The following CACNA2D3 variants were observed in gnomAD, a reference collection of about 807,000 sequenced individuals.
The protein encoded by CACNA2D3 is calcium voltage-gated channel auxiliary subunit alpha2delta 3.
CACNA2D3 carries 60 observed loss-of-function variants against 160.6 expected under a neutral mutation model. The observed-to-expected ratio is 0.37, with a 90% CI of 0.30 to 0.46. CACNA2D3 has a LOEUF of 0.46. Among genes scored for constraint, CACNA2D3 ranks in the 20% least tolerant of loss-of-function variants. The pLI is 1.00. For missense variants in CACNA2D3, 1,205 were observed against 1,365.0 expected, an observed-to-expected ratio of 0.88 and a Z score of 1.85; for synonymous variants, 558 against 492.9, an observed-to-expected ratio of 1.13 and a Z score of -1.75.
At chr3:54,173,500 C>T (rs1700612560) in intron 2 of CACNA2D3, among the ~76,000 whole-genome samples, 1 of 152,194 alleles carries the variant, frequency 6.6e-6, no homozygotes, top group African/African-American at 2.4e-5. Flanking sequence ...GGCCGACACA[C>T]ACAGAACCAG....
At chr3:54,773,862 C>G (rs528532935) in intron 13 of CACNA2D3, among the ~76,000 whole-genome samples, 1 of 152,070 alleles carries the variant, frequency 6.6e-6, no homozygotes, top group Non-Finnish European at 1.5e-5. Context: ...TCCTAAAACT[C>G]TATATGGGTG....
intron 4 of CACNA2D3, among the ~76,000 whole-genome samples, chr3:54,443,942 C>T (rs373841380): frequency 6.6e-6 from 1 of 152,102 alleles, no homozygotes; most frequent in East Asian, 1.9e-4. Context: ...TACTCTGATT[C>T]TCTTTGCTTC....
At chr3:54,790,720 C>A (rs966266687) in intron 13 of CACNA2D3, among the ~76,000 whole-genome samples, 10 of 152,236 alleles carry the variant, frequency 6.6e-5, no homozygotes, top group African/African-American at 1.9e-4. Flanking sequence ...CATTGTCACT[C>A]GCACCTCTGG....
At chr3:54,258,871 G>A (rs944566599) in intron 2 of CACNA2D3, among the ~76,000 whole-genome samples, 6 of 152,194 alleles carry the variant, frequency 3.9e-5, no homozygotes, top group African/African-American at 1.4e-4. Flanking sequence ...AGACAGTGCT[G>A]GCTAGGGAGG....
intron 35 of CACNA2D3, 31 bp downstream of exon 35, chr3:55,018,348 A>G: frequency 7.6e-7 from 1 of 1,324,228 alleles, no homozygotes; most frequent in Non-Finnish European, 1.1e-6. Context: ...CTAACCCCCT[A>G]CACCTTTCTG....
In CACNA2D3 at chr3:54,880,806, G is replaced by A. The variant is rs770910729; in HGVS notation, c.1855G>A (p.Ala619Thr). The change falls in exon 21 of 38, where the codon GCG (alanine) becomes ACG (threonine). Residue 619 changes from alanine (A) to threonine (T), a missense_variant. By Grantham distance (58) the Ala-to-Thr change is moderately conservative (BLOSUM62 0). Coordinates refer to ENST00000474759, the MANE Select transcript of CACNA2D3 (RefSeq NM_018398.3). ...IKGTPFSLGV[A>T]LSRGHGKYFF... The stretch of plus-strand genomic sequence containing the variant: ...TGTCTCTCTGCACAGTTTAGGTGTG[G>A]CGCTTTCCAGAGGTCATGGGAAATA... 4.2e-5 allele frequency: 67 copies of A among 1,613,682 alleles called. 1 individual carries two copies. In the South Asian group the frequency reaches 6.4e-4, roughly 15 times the overall value.
chr3:54,601,308 A>G (rs1703055781), intron 9 of CACNA2D3, among the ~76,000 whole-genome samples: 1 of 152,234 alleles, frequency 6.6e-6, no homozygotes, highest in South Asian at 2.1e-4. Context: ...GTCTCAAAGG[A>G]TCCTCCTACC....
intron 5 of CACNA2D3, among the ~76,000 whole-genome samples, chr3:54,504,013 T>C (rs1701331917): frequency 6.6e-6 from 1 of 152,214 alleles, no homozygotes; most frequent in Non-Finnish European, 1.5e-5. Flanking sequence ...CAAATGGCTG[T>C]GTTCCAGTGA....
At position 54,838,629 on chromosome 3, in the gene CACNA2D3, A is replaced by G; in HGVS notation, c.1532A>G (p.Lys511Arg). The G allele has an allele frequency of 6.2e-7, 1 of 1,612,454 alleles. No individual in the cohort carries two copies. ...GATGTCCCAGTGAAAGAACTTCTGA[A>G]GACCATCCCCAAATACAAGGTAATG... ...GTDVPVKELL[K>R]TIPKYKLGIH... The change falls in exon 16 of 38, where the codon AAG (lysine) becomes AGG (arginine). Residue 511 changes from lysine to arginine, a missense_variant. By Grantham distance (26) the Lys-to-Arg change is conservative. Around this residue, in one of 3 missense-constraint regions of CACNA2D3, gnomAD observed 911 missense variants for 1,002.2 expected, o/e 0.91. Transcript: ENST00000474759.
intron 2 of CACNA2D3, among the ~76,000 whole-genome samples, chr3:54,147,260 G>T (rs1051226548): frequency 6.6e-6 from 1 of 152,238 alleles, no homozygotes. Context: ...CATCTGAGTA[G>T]TGAGGCTGAC....
chr3:54,699,931 A>G (rs938000340), intron 11 of CACNA2D3, among the ~76,000 whole-genome samples: 12 of 152,176 alleles, frequency 7.9e-5, no homozygotes, highest in Non-Finnish European at 1.6e-4. Context: ...AACCCAAACA[A>G]CCATATTAAC....
chr3:54,745,381 A>G (rs1701736014), intron 11 of CACNA2D3, among the ~76,000 whole-genome samples: 1 of 151,954 alleles, frequency 6.6e-6, no homozygotes, highest in African/African-American at 2.4e-5. Context: ...GATTGGAGGC[A>G]TGGGCTGTGG....
At chr3:54,802,475 C>T (rs913389475) in intron 13 of CACNA2D3, among the ~76,000 whole-genome samples, 2 of 152,100 alleles carry the variant, frequency 1.3e-5, no homozygotes, top group East Asian at 1.9e-4. Flanking sequence ...GAAATTACTC[C>T]TGAGTATTTT....
chr3:54,709,567 A>T (rs1700918583), intron 11 of CACNA2D3, among the ~76,000 whole-genome samples: 1 of 151,606 alleles, frequency 6.6e-6, no homozygotes, highest in Non-Finnish European at 1.5e-5. Context: ...TCACTATGTT[A>T]CCTAGACTTG....
At chr3:54,170,189 C>CAAAAAA (rs1304301578) in intron 2 of CACNA2D3, among the ~76,000 whole-genome samples, 1 of 73,226 alleles carries the variant, frequency 1.4e-5, no homozygotes, top group Non-Finnish European at 2.9e-5. Flanking sequence ...GCCTCCATCT[C>CAAAAAA]AAAAAAAAAA....
chr3:54,220,152 GT>G (rs1701540179), intron 2 of CACNA2D3, among the ~76,000 whole-genome samples: 1 of 151,972 alleles, frequency 6.6e-6, no homozygotes, highest in African/African-American at 2.4e-5. Context: ...TCAATAATTG[GT>G]TAATTGTTTC....
At chr3:54,688,293 T>G (rs1700507737) in intron 11 of CACNA2D3, among the ~76,000 whole-genome samples, 2 of 152,226 alleles carry the variant, frequency 1.3e-5, no homozygotes, top group Non-Finnish European at 2.9e-5. Flanking sequence ...AGAAGCCATT[T>G]GTATCTATAA....
rs1421979493 is a variant in CACNA2D3, at chr3:54,678,949, CA to C, written c.1167+36712del. 3.3e-5 allele frequency among the ~76,000 whole-genome samples: 5 copies of C among 152,056 alleles called. No individual in the cohort carries two copies. In the East Asian group the frequency reaches 9.6e-4, roughly 29 times the overall value. ...TTTTGTTTTCTATAATGCAAGATTT[CA>C]AAATTCAGGAATAGGTTTCTTCTTT... On this transcript the variant is annotated intron_variant, in intron 11 of 37. Coordinates refer to ENST00000474759, the MANE Select transcript of CACNA2D3 (RefSeq NM_018398.3).
At chr3:54,224,484 A>G (rs1232388644) in intron 2 of CACNA2D3, among the ~76,000 whole-genome samples, 1 of 152,206 alleles carries the variant, frequency 6.6e-6, no homozygotes, top group Non-Finnish European at 1.5e-5. Context: ...TGAGTAACGC[A>G]TCGCACTACA....
Sources: allele counts gnomAD v4.1 joint callset (sites outside exome capture counted in the v4.1 genomes callset), GRCh38; gene constraint gnomAD v4.1.1; regional missense constraint gnomAD v4.1.1; transcripts MANE v1.5; gene names NCBI Gene and HGNC (gene_info 2026-07-23, HGNC 2026-07-21).